CROCC2: variants seen among roughly 807,000 people sequenced by gnomAD.
CROCC2 encodes the protein ciliary rootlet coiled-coil, rootletin family member 2, also known as ciliary rootlet coiled-coil protein 2.
A neutral mutation model predicts 177.6 loss-of-function variants in CROCC2; 163 were observed. The observed-to-expected ratio is 0.92, with a 90% confidence interval of 0.81 to 1.05. CROCC2 has a LOEUF of 1.05. Ranked by LOEUF, CROCC2 falls within the 50% of genes least tolerant of loss-of-function variation. The pLI is 0.00. For missense variants in CROCC2, 1,929 were observed against 1,797.8 expected, an observed-to-expected ratio of 1.07 and a Z score of -1.32; for synonymous variants, 904 against 787.3, an observed-to-expected ratio of 1.15 and a Z score of -2.48.
At chr2:240,988,945 G>A in intron 29 of CROCC2, 75 bp downstream of exon 29, 2 of 1,315,840 alleles carry the variant, frequency 1.5e-6, no homozygotes, top group Non-Finnish European at 2.0e-6. Flanking sequence ...GAGGGTGTCA[G>A]TTCCAGAGGG....
chr2:240,971,050 G>A (rs1242123263), intron 27 of CROCC2, among the ~76,000 whole-genome samples: 2 of 152,132 alleles, frequency 1.3e-5, no homozygotes, highest in Admixed American at 6.5e-5. Context: ...ATTTCTGTGC[G>A]GTCGGCCAAG....
chr2:240,929,539 G>A (rs4407242), intron 5 of CROCC2: 182,488 of 391,304 alleles, frequency 0.47, 45,192 homozygotes, highest in East Asian at 0.73. Flanking sequence ...ACTCCGCTCC[G>A]TTACAGCCTA....
chr2:240,912,276 C>T (rs754328025), intron 1 of CROCC2, among the ~76,000 whole-genome samples: 12 of 152,172 alleles, frequency 7.9e-5, no homozygotes, highest in Admixed American at 1.3e-4. Flanking sequence ...AGTTCGGACC[C>T]TAACCATCCA....
intron 3 of CROCC2, 89 bp from the exon 4 acceptor site, chr2:240,922,450 C>A: frequency 1.6e-6 from 1 of 607,364 alleles, no homozygotes; most frequent in South Asian, 1.8e-5. Context: ...CTCTTCCCCA[C>A]TAAGGTCGGC....
At chr2:240,926,067 C>T (rs994510197) in intron 5 of CROCC2, among the ~76,000 whole-genome samples, 187 bp downstream of exon 5, 3 of 152,220 alleles carry the variant, frequency 2.0e-5, no homozygotes, top group Non-Finnish European at 4.4e-5. Context: ...GAGTGAGGGA[C>T]TTCGTGGTCC....
At chr2:240,915,326 G>A (rs2059313535) in intron 1 of CROCC2, among the ~76,000 whole-genome samples, 2 of 152,244 alleles carry the variant, frequency 1.3e-5, no homozygotes, top group African/African-American at 4.8e-5. Context: ...TTCCATCAGA[G>A]TGTGGGAGGT....
chr2:240,974,804 C>G (rs2059748145), intron 27 of CROCC2, among the ~76,000 whole-genome samples: 1 of 151,956 alleles, frequency 6.6e-6, no homozygotes, highest in South Asian at 2.1e-4. Context: ...GGTACGTGTC[C>G]CATCAGTTTT....
rs372103663 is a variant in CROCC2, at chr2:240,935,444, G to A, written c.2025G>A (p.Ala675=). The part of the protein sequence containing the change: ...RARAGEQLAQ[A]EQQLALERAE... ...GGGCCGGGGAGCAGCTGGCACAGGC[G>A]GAGCAGCAGCTGGCGCTGGAGCGGG... The change falls in exon 14 of 32, where the codon GCG becomes GCA. Residue 675 remains alanine, a synonymous_variant. Transcript: ENST00000690015. 1.7e-4 allele frequency: 227 copies of A among 1,367,782 alleles called. No homozygotes were observed. Among genetic ancestry groups the A allele is most frequent in the Middle Eastern group, 2.6e-4 (1 of 3,880 alleles). 84.7% of individuals were successfully genotyped at this position (1,367,782 alleles called of 1,614,324 possible). A position where few individuals can be genotyped will look rare whatever the true frequency, so the allele number is the denominator to read the frequency against.
chr2:240,916,977 T>C (rs1445084046), intron 1 of CROCC2, among the ~76,000 whole-genome samples: 1 of 152,126 alleles, frequency 6.6e-6, no homozygotes, highest in Non-Finnish European at 1.5e-5. Flanking sequence ...GGGTCCCAGC[T>C]GGGCCCAGGA....
chr2:240,943,429 A>G (rs942266931), intron 14 of CROCC2, among the ~76,000 whole-genome samples: 4 of 149,352 alleles, frequency 2.7e-5, no homozygotes, highest in African/African-American at 9.9e-5. Context: ...TATCTCTTCA[A>G]TCTCATAAGC....
chr2:240,991,144 G>T (rs2059876445), intron 30 of CROCC2, 52 bp from the exon 31 acceptor site: 1 of 1,404,204 alleles, frequency 7.1e-7, no homozygotes, highest in Non-Finnish European at 9.6e-7. Flanking sequence ...ATGCCCTGGG[G>T]CCCTGGCCGT....
chr2:240,975,647 C>A (rs375701391), intron 27 of CROCC2, among the ~76,000 whole-genome samples: 13 of 151,998 alleles, frequency 8.6e-5, no homozygotes, highest in African/African-American at 3.1e-4. Context: ...TCGCTCCCAG[C>A]CTTCCATGCA....
At chr2:240,936,420 T>G (rs1180250951) in intron 14 of CROCC2, among the ~76,000 whole-genome samples, 2 of 152,182 alleles carry the variant, frequency 1.3e-5, no homozygotes, top group Non-Finnish European at 2.9e-5. Context: ...TCCGAATTCC[T>G]TATAAATGGA....
rs1264460019 is a variant in CROCC2, at chr2:240,949,628, C to T, written c.2578C>T (p.Arg860Trp). ...CCAGCGACAGGTGGCACAGCAGGAG[C>T]GGGAGGCACAGCGGGCCCTGGAGAG... The part of the protein sequence containing the change: ...RLQRQVAQQE[R>W]EAQRALESQA... The change falls in exon 17 of 32, where the codon CGG (arginine) becomes TGG (tryptophan). Residue 860 changes from arginine to tryptophan, a missense_variant. Arg to Trp is a moderately radical substitution (Grantham distance 101, BLOSUM62 -3). Coordinates refer to ENST00000690015, the MANE Select transcript of CROCC2 (RefSeq NM_001351305.2). The surrounding 1 kb of genome is among the most constrained non-coding windows in gnomAD (Gnocchi z 4.5). 35 of 1,550,214 alleles carry T rather than the reference C, an allele frequency of 2.3e-5. No homozygotes were observed. The East Asian group carries it at 7.1e-4, about 31-fold the overall frequency.
Position 240,931,100 on chromosome 2 carries a change from G to A in CROCC2, c.919G>A (p.Asp307Asn). The A allele has an allele frequency of 1.4e-6, 1 of 714,922 alleles. No individual in the cohort carries two copies. Among genetic ancestry groups the A allele is most frequent in the Non-Finnish European group, 2.6e-6 (1 of 383,748 alleles). 44.3% of individuals were successfully genotyped at this position (714,922 alleles called of 1,614,324 possible). A position where few individuals can be genotyped will look rare whatever the true frequency, so the allele number is the denominator to read the frequency against. The change falls in exon 7 of 32, where the codon GAC becomes AAC. Residue 307 changes from aspartate to asparagine, a missense_variant. Physicochemically the swap from Asp to Asn is conservative, Grantham distance 23 (BLOSUM62 1). This residue lies in a region of CROCC2 where 1,397 missense variants were observed against 1,239.9 expected (regional missense o/e 1.13). Coordinates refer to ENST00000690015, the MANE Select transcript of CROCC2 (RefSeq NM_001351305.2). Reference sequence around the variant, plus strand: ...GATGCTGCAGCTGCAGGGCCGCTGGGACGCAGAGAAGGTGGCGCTCCAGGC... The same window carrying A: ...GATGCTGCAGCTGCAGGGCCGCTGGAACGCAGAGAAGGTGGCGCTCCAGGC... ...GEMLQLQGRW[D>N]AEKVALQARL...
intron 4 of CROCC2, among the ~76,000 whole-genome samples, chr2:240,923,536 A>T (rs1446018660): frequency 7.3e-5 from 3 of 41,162 alleles, no homozygotes; most frequent in African/African-American, 3.3e-4. Flanking sequence ...CCCCACACTA[A>T]CCCGGCCCCC....
intron 2 of CROCC2, among the ~76,000 whole-genome samples, chr2:240,919,359 G>A (rs1379132714): frequency 6.6e-6 from 1 of 152,052 alleles, no homozygotes; most frequent in African/African-American, 2.4e-5. Flanking sequence ...TGGAAATGCT[G>A]GACACTGGCA....
Position 240,949,475 on chromosome 2 carries a change from C to G in CROCC2, c.2483-58C>G. On this transcript the variant is annotated intron_variant, in intron 16 of 31. Transcript: ENST00000690015. The surrounding 1 kb of genome is among the most constrained non-coding windows in gnomAD (Gnocchi z 4.5). ...AAGACTGTCACTCCCTAGGAAGTCC[C>G]AAAGGGTTCAGGGGTCCACATGCCA... 1 of 1,528,916 alleles carries G rather than the reference C, an allele frequency of 6.5e-7. No homozygotes were observed. Among genetic ancestry groups the G allele is most frequent in the East Asian group, 2.5e-5 (1 of 40,494 alleles). 94.7% of individuals were successfully genotyped at this position (1,528,916 alleles called of 1,614,324 possible). A position where few individuals can be genotyped will look rare whatever the true frequency, so the allele number is the denominator to read the frequency against.
rs1404118235 is a variant in CROCC2, at chr2:240,953,296, TC to T, written c.2830-2559del. ...TGGGTGTGGTGGTGGGTGCCTGTAA[TC>T]CCCGCTACTCAGGAGGCTGAGGCAG... On this transcript the variant is annotated intron_variant, in intron 18 of 31. Transcript: ENST00000690015. The surrounding 1 kb of genome is among the most constrained non-coding windows in gnomAD (Gnocchi z 4.0). 2.6e-5 allele frequency among the ~76,000 whole-genome samples: 4 copies of T among 151,502 alleles called. No individual in the cohort carries two copies. Among genetic ancestry groups the T allele is most frequent in the South Asian group, 2.1e-4 (1 of 4,804 alleles).
Sources: gnomAD v4.1 joint callset for allele counts (sites outside exome capture counted in the v4.1 genomes callset) on GRCh38, gnomAD v4.1.1 for gene constraint, gnomAD v4.1.1 regional missense constraint, Gnocchi (gnomAD v3.1) non-coding constraint, MANE v1.5 for transcripts, NCBI Gene and HGNC (gene_info 2026-07-23, HGNC 2026-07-21) for gene names.